Variants in SPMIP2 observed in about 807,000 individuals in gnomAD.
SPMIP2 encodes the protein sperm microtubule inner protein 2.
the SPMIP2 span, among the ~76,000 whole-genome samples, chr4:158,987,525 C>A: frequency 1.3e-5 from 2 of 152,084 alleles, no homozygotes; most frequent in African/African-American, 4.8e-5. Context: ...AGTCAACTAT[C>A]GCAAGGACAA....
the SPMIP2 span, among the ~76,000 whole-genome samples, chr4:158,938,485 A>G: frequency 2.6e-5 from 4 of 152,234 alleles, no homozygotes; most frequent in Non-Finnish European, 5.9e-5. Flanking sequence ...GGCTTGTTAA[A>G]TATTCTACCA....
At chr4:158,980,248 T>C in the SPMIP2 span, among the ~76,000 whole-genome samples, 1 of 152,164 alleles carries the variant, frequency 6.6e-6, no homozygotes, top group Admixed American at 6.5e-5. Context: ...GGACAGAGCA[T>C]ATGGGGGAAG....
chr4:158,903,720 G>A, the SPMIP2 span, among the ~76,000 whole-genome samples: 97 of 152,282 alleles, frequency 6.4e-4, no homozygotes, highest in African/African-American at 2.3e-3. Context: ...AAAACCCCAT[G>A]AGGTAATGCC....
chr4:158,991,929 T>G, the SPMIP2 span, among the ~76,000 whole-genome samples: 6 of 152,180 alleles, frequency 3.9e-5, no homozygotes, highest in African/African-American at 1.4e-4. Context: ...AAACAGGACC[T>G]TGCTTCACCC....
At chr4:158,929,210 GC>G in the SPMIP2 span, among the ~76,000 whole-genome samples, 5 of 152,132 alleles carry the variant, frequency 3.3e-5, no homozygotes, top group African/African-American at 4.8e-5. Context: ...TAGAGATGGG[GC>G]CTTGCTCTAT....
At chr4:158,961,410 A>G in the SPMIP2 span, among the ~76,000 whole-genome samples, 1 of 152,242 alleles carries the variant, frequency 6.6e-6, no homozygotes, top group East Asian at 1.9e-4. Context: ...ATGTTCACAC[A>G]TAAATTGAAC....
chr4:158,928,175 T>G, the SPMIP2 span, among the ~76,000 whole-genome samples: 1 of 152,138 alleles, frequency 6.6e-6, no homozygotes, highest in South Asian at 2.1e-4. Flanking sequence ...CTGAGTCTGG[T>G]GGGGATGTGG....
the SPMIP2 span, among the ~76,000 whole-genome samples, chr4:158,964,024 G>T: frequency 6.6e-6 from 1 of 152,108 alleles, no homozygotes; most frequent in East Asian, 1.9e-4. Flanking sequence ...GCATGGTGGC[G>T]GGTGCCTGTA....
the SPMIP2 span, among the ~76,000 whole-genome samples, chr4:158,967,221 G>A: frequency 1.3e-5 from 2 of 152,070 alleles, no homozygotes; most frequent in East Asian, 3.8e-4. Context: ...TTTGTAAAAT[G>A]GAGAAAATGT....
At chr4:158,951,669 C>G in the SPMIP2 span, among the ~76,000 whole-genome samples, 1 of 152,164 alleles carries the variant, frequency 6.6e-6, no homozygotes, top group South Asian at 2.1e-4. Flanking sequence ...CAAATGCATA[C>G]AGAAAAGAAT....
At chr4:158,909,758 T>G in the SPMIP2 span, among the ~76,000 whole-genome samples, 4 of 151,850 alleles carry the variant, frequency 2.6e-5, no homozygotes, top group East Asian at 3.9e-4. Flanking sequence ...AAAAAAAATT[T>G]GGGGCTGGAC....
chr4:158,951,127 G>C, the SPMIP2 span, among the ~76,000 whole-genome samples: 9 of 152,126 alleles, frequency 5.9e-5, no homozygotes, highest in Non-Finnish European at 1.2e-4. Context: ...TTGATGGTAG[G>C]TGCCAGACTT....
the SPMIP2 span, among the ~76,000 whole-genome samples, chr4:159,039,654 C>T: frequency 6.6e-6 from 1 of 152,236 alleles, no homozygotes. Context: ...GAACTCATTA[C>T]TGGGACTAAA....
chr4:158,989,811 A>G, the SPMIP2 span, among the ~76,000 whole-genome samples: 1 of 152,244 alleles, frequency 6.6e-6, no homozygotes, highest in Non-Finnish European at 1.5e-5. Flanking sequence ...CATTCAGGAC[A>G]TAGGTATGGG....
the SPMIP2 span, among the ~76,000 whole-genome samples, chr4:158,903,186 A>C: frequency 6.6e-6 from 1 of 152,202 alleles, no homozygotes; most frequent in Non-Finnish European, 1.5e-5. Context: ...TCCAGACTGC[A>C]GTGCAGATAT....
At chr4:158,919,601 A>G in the SPMIP2 span, among the ~76,000 whole-genome samples, 3 of 152,166 alleles carry the variant, frequency 2.0e-5, no homozygotes, top group Non-Finnish European at 4.4e-5. Context: ...TCTCCTTTAT[A>G]CCATCACATT....
the SPMIP2 span, among the ~76,000 whole-genome samples, chr4:158,923,792 T>C: frequency 6.6e-6 from 1 of 152,196 alleles, no homozygotes; most frequent in Non-Finnish European, 1.5e-5. Context: ...TTGTTTTTGA[T>C]CATAGAATAA....
At chr4:158,930,057 A>G in the SPMIP2 span, among the ~76,000 whole-genome samples, 1 of 152,210 alleles carries the variant, frequency 6.6e-6, no homozygotes, top group Non-Finnish European at 1.5e-5. Context: ...GTATTCCTGC[A>G]TACTACAAAT....
chr4:159,075,213 G>A, the SPMIP2 span, among the ~76,000 whole-genome samples: 1 of 152,118 alleles, frequency 6.6e-6, no homozygotes, highest in African/African-American at 2.4e-5. Context: ...CAGAAAATTT[G>A]CAGCATGGCC....
Sources: gnomAD v4.1 joint callset for allele counts (sites outside exome capture counted in the v4.1 genomes callset) on GRCh38, gnomAD v4.1.1 for gene constraint, MANE v1.5 for transcripts, NCBI Gene and HGNC (gene_info 2026-07-23, HGNC 2026-07-21) for gene names.